KLHL29: variants seen among roughly 807,000 people sequenced by gnomAD.
KLHL29 encodes the protein kelch-like protein 29.
KLHL29 carries 21 observed loss-of-function variants against 80.4 expected under a neutral mutation model. That is an observed-to-expected ratio of 0.26 (90% CI 0.19 to 0.38). The LOEUF (loss-of-function observed/expected upper bound fraction) is 0.38, where lower values mean the gene tolerates loss of function less well. KLHL29 is among the 10% of genes least tolerant of loss of function. KLHL29 has a pLI of 1.00. For missense variants in KLHL29, 867 were observed against 1,223.9 expected (o/e 0.71, Z 4.35); for synonymous variants, 511 against 526.8 (o/e 0.97, Z 0.41).
chr2:23,556,900 G>A (rs1267864094), intron 2 of KLHL29, among the ~76,000 whole-genome samples: 1 of 152,176 alleles, frequency 6.6e-6, no homozygotes, highest in Non-Finnish European at 1.5e-5. Flanking sequence ...CTTCACATGT[G>A]CATGTAATTT....
intron 2 of KLHL29, among the ~76,000 whole-genome samples, chr2:23,560,309 T>TTGACA (rs1237127907): frequency 7.0e-6 from 1 of 142,064 alleles, no homozygotes; most frequent in Non-Finnish European, 1.5e-5. Context: ...TCTTGCTCTG[T>TTGACA]TGACAGGCTG....
chr2:23,694,483 GC>G, intron 8 of KLHL29, among the ~76,000 whole-genome samples: 1 of 152,098 alleles, frequency 6.6e-6, no homozygotes, highest in Non-Finnish European at 1.5e-5. Flanking sequence ...CTCTCTAAAA[GC>G]ACACTGAACA....
chr2:23,634,617 G>A (rs1669560405), intron 3 of KLHL29, among the ~76,000 whole-genome samples: 1 of 152,166 alleles, frequency 6.6e-6, no homozygotes. Flanking sequence ...ACTCCTCAGT[G>A]TCCATGCCTT....
At chr2:23,567,845 A>G (rs1265575532) in intron 3 of KLHL29, among the ~76,000 whole-genome samples, 2 of 152,238 alleles carry the variant, frequency 1.3e-5, no homozygotes, top group East Asian at 3.8e-4. Flanking sequence ...TTTATCCAGA[A>G]GACTGTTGCT....
intron 3 of KLHL29, among the ~76,000 whole-genome samples, chr2:23,605,203 C>A (rs868335255): frequency 2.0e-5 from 3 of 148,348 alleles, no homozygotes; most frequent in Non-Finnish European, 3.0e-5. Context: ...CCTCCGCTTC[C>A]CAGGCTCAAG....
intron 5 of KLHL29, chr2:23,644,391 G>T (rs948504876): frequency 5.9e-5 from 9 of 152,354 alleles, no homozygotes; most frequent in African/African-American, 2.2e-4. Flanking sequence ...AAGGCACCGG[G>T]TGGCATATTC....
intron 5 of KLHL29, among the ~76,000 whole-genome samples, chr2:23,670,595 C>T (rs1290069666): frequency 2.0e-5 from 3 of 152,160 alleles, no homozygotes; most frequent in African/African-American, 7.2e-5. Flanking sequence ...GGGGGCTGAT[C>T]ACCTGGAGGG....
chr2:23,523,773 G>A (rs1015395604), intron 2 of KLHL29, among the ~76,000 whole-genome samples: 2 of 152,194 alleles, frequency 1.3e-5, no homozygotes, highest in Non-Finnish European at 2.9e-5. Flanking sequence ...CCAATAAGCC[G>A]ACGAGGGAGC....
At chr2:23,465,133 A>C (rs1664312642) in intron 1 of KLHL29, among the ~76,000 whole-genome samples, 1 of 152,168 alleles carries the variant, frequency 6.6e-6, no homozygotes, top group South Asian at 2.1e-4. Flanking sequence ...TGTGGGGATG[A>C]GCAAACTCGA....
chr2:23,460,110 A>C (rs1344858651), intron 1 of KLHL29, among the ~76,000 whole-genome samples: 1 of 152,232 alleles, frequency 6.6e-6, no homozygotes, highest in Non-Finnish European at 1.5e-5. Flanking sequence ...TCATTCATTT[A>C]TTCATTACTT....
chr2:23,431,755 G>A (rs953688087), intron 1 of KLHL29, among the ~76,000 whole-genome samples: 3 of 151,782 alleles, frequency 2.0e-5, no homozygotes, highest in Non-Finnish European at 4.4e-5. Context: ...TTAGCTGGGC[G>A]TTGTGGCGGG....
At chr2:23,426,162 G>C (rs1227134914) in intron 1 of KLHL29, among the ~76,000 whole-genome samples, 2 of 152,130 alleles carry the variant, frequency 1.3e-5, no homozygotes, top group South Asian at 2.1e-4. Context: ...GGGAGGAGGG[G>C]ATGAGTAGGG....
chr2:23,703,638 C>G lies in KLHL29; in HGVS notation c.2300-81C>G, dbSNP rs115408395. The G allele has an allele frequency of 6.5e-4, 946 of 1,446,112 alleles. 6 individuals are homozygous for G. In the African/African-American group the frequency reaches 0.012, roughly 18 times the overall value. 89.6% of individuals were successfully genotyped at this position (1,446,112 alleles called of 1,614,324 possible). On this transcript the variant is annotated intron_variant, in intron 12 of 13. Coordinates refer to ENST00000486442, the MANE Select transcript of KLHL29 (RefSeq NM_052920.2). The stretch of plus-strand genomic sequence containing the variant: ...TTGGAAGTCTTTCGAGCTTCCTTCC[C>G]TGGAGGGTCTTCTGGGAAAGAAAAG...
intron 3 of KLHL29, among the ~76,000 whole-genome samples, chr2:23,588,450 T>C (rs1043674377): frequency 1.3e-5 from 2 of 152,172 alleles, no homozygotes; most frequent in African/African-American, 4.8e-5. Context: ...GACACATGCT[T>C]CAGCCACAGG....
intron 3 of KLHL29, among the ~76,000 whole-genome samples, chr2:23,629,389 G>A (rs941289435): frequency 5.3e-5 from 8 of 151,524 alleles, no homozygotes; most frequent in African/African-American, 1.9e-4. Flanking sequence ...TTTTTTCTAG[G>A]TGATCTTATT....
chr2:23,688,030 C>T (rs1213591495), intron 6 of KLHL29, among the ~76,000 whole-genome samples: 2 of 152,118 alleles, frequency 1.3e-5, no homozygotes, highest in East Asian at 1.9e-4. Context: ...GCCCAGAGCC[C>T]CACACCCTTC....
intron 2 of KLHL29, chr2:23,524,027 G>GT (rs756000004): frequency 8.7e-5 from 41 of 471,324 alleles, no homozygotes; most frequent in Non-Finnish European, 1.1e-4. Flanking sequence ...ATGTGAATGA[G>GT]TTTTTTTTAC....
intron 11 of KLHL29, among the ~76,000 whole-genome samples, chr2:23,702,183 AC>A (rs1213746166): frequency 6.6e-6 from 1 of 152,032 alleles, no homozygotes; most frequent in Non-Finnish European, 1.5e-5. Flanking sequence ...GAGCACCTTG[AC>A]TGATGATGGG....
chr2:23,582,012 A>G (rs920916657), intron 3 of KLHL29, among the ~76,000 whole-genome samples: 8 of 152,038 alleles, frequency 5.3e-5, no homozygotes, highest in African/African-American at 1.9e-4. Flanking sequence ...ATCTGAGTCC[A>G]ACCCTCTGGC....
Sources: gnomAD v4.1 joint callset for allele counts (sites outside exome capture counted in the v4.1 genomes callset) on GRCh38, gnomAD v4.1.1 for gene constraint, MANE v1.5 for transcripts, NCBI Gene and HGNC (gene_info 2026-07-23, HGNC 2026-07-21) for gene names.